Variants in CCDC158 observed in about 807,000 individuals in gnomAD.
CCDC158 encodes the protein coiled-coil domain containing 158.
A neutral mutation model predicts 138.6 loss-of-function variants in CCDC158; 116 were observed. The ratio of observed to expected loss-of-function variants is 0.84; its 90% confidence interval spans 0.72 to 0.98. CCDC158 has a LOEUF of 0.98. Among genes scored for constraint, CCDC158 ranks in the 50% least tolerant of loss-of-function variants. The pLI is 0.00. For missense variants in CCDC158, 1,265 were observed against 1,306.1 expected (o/e 0.97, Z 0.48); for synonymous variants, 436 against 442.4 (o/e 0.99, Z 0.18).
At chr4:76,383,899 T>C (rs1171406524) in intron 6 of CCDC158, among the ~76,000 whole-genome samples, 161 bp from the exon 7 acceptor site, 1 of 152,204 alleles carries the variant, frequency 6.6e-6, no homozygotes, top group African/African-American at 2.4e-5. Flanking sequence ...ACTTTGTCTA[T>C]ACTCTCATGA....
intron 3 of CCDC158, among the ~76,000 whole-genome samples, chr4:76,399,155 T>C (rs1414724970): frequency 6.6e-6 from 1 of 152,160 alleles, no homozygotes; most frequent in Non-Finnish European, 1.5e-5. Flanking sequence ...ATTATAGGTA[T>C]AGAGATAAAG....
chr4:76,343,337 A>C (rs1373254127), intron 18 of CCDC158, among the ~76,000 whole-genome samples: 1 of 152,202 alleles, frequency 6.6e-6, no homozygotes, highest in Non-Finnish European at 1.5e-5. Context: ...AAGCCCTGAC[A>C]ACCTTACATA....
chr4:76,326,910 G>A (rs2110089380), intron 22 of CCDC158, among the ~76,000 whole-genome samples: 1 of 152,162 alleles, frequency 6.6e-6, no homozygotes, highest in Admixed American at 6.5e-5. Flanking sequence ...AATGATACCA[G>A]AAAGTTAAGT....
chr4:76,420,090 A>G (rs1729991328), intron 1 of CCDC158, among the ~76,000 whole-genome samples: 2 of 151,866 alleles, frequency 1.3e-5, no homozygotes, highest in South Asian at 2.1e-4. Flanking sequence ...CAACACAAGT[A>G]AGATAACCGC....
In CCDC158 at chr4:76,362,289, C is replaced by G; in HGVS notation, c.1857G>C (p.Lys619Asn). Residue 619 changes from lysine (K) to asparagine (N), a missense_variant, in exon 13 of 25, where the codon AAG becomes AAC. Physicochemically the swap from Lys to Asn is moderately conservative, Grantham distance 94. Transcript: ENST00000682701. ...TCACTCTGGCCTCAAGCTCCCGGAT[C>G]TTTGCATCTTTTTTATCTTTTAATA... ...LKILKDKKDA[K>N]IRELEARVSD... The G allele has an allele frequency of 6.2e-7, 1 of 1,612,542 alleles. No individual in the cohort carries two copies. The highest frequency in any genetic ancestry group is 1.7e-5 in the Admixed American group (1 of 59,734).
chr4:76,418,990 C>A (rs899866711), intron 1 of CCDC158, among the ~76,000 whole-genome samples: 1 of 152,170 alleles, frequency 6.6e-6, no homozygotes, highest in Non-Finnish European at 1.5e-5. Flanking sequence ...TCTGCATTCC[C>A]TCTTTTCCCC....
chr4:76,404,002 T>C (rs1193779591), intron 2 of CCDC158, among the ~76,000 whole-genome samples: 1 of 151,976 alleles, frequency 6.6e-6, no homozygotes, highest in African/African-American at 2.4e-5. Flanking sequence ...GGTTGGAACT[T>C]GATAGTCCAT....
chr4:76,323,199 A>G, intron 24 of CCDC158, 103 bp downstream of exon 24: 1 of 762,074 alleles, frequency 1.3e-6, no homozygotes, highest in Non-Finnish European at 2.2e-6. Flanking sequence ...ACAGTTGTTA[A>G]TTCAATACCC....
intron 16 of CCDC158, 186 bp downstream of exon 16, chr4:76,352,937 C>G (rs1422350854): frequency 2.0e-6 from 1 of 488,128 alleles, no homozygotes; most frequent in Non-Finnish European, 3.4e-6. Context: ...TGCATTATGA[C>G]CACATTTTAA....
At chr4:76,368,941 C>T (rs768017746) in intron 11 of CCDC158, among the ~76,000 whole-genome samples, 6 of 152,142 alleles carry the variant, frequency 3.9e-5, no homozygotes, top group South Asian at 2.1e-4. Flanking sequence ...ATAGGCCGGG[C>T]GCAGTGGCTC....
intron 2 of CCDC158, among the ~76,000 whole-genome samples, chr4:76,410,223 C>T (rs891515128): frequency 6.6e-6 from 1 of 152,058 alleles, no homozygotes; most frequent in Admixed American, 6.6e-5. Flanking sequence ...CTTGCTCTGT[C>T]GTCCAGGCTG....
At chr4:76,410,464 C>T (rs1327289482) in intron 2 of CCDC158, among the ~76,000 whole-genome samples, 5 of 152,104 alleles carry the variant, frequency 3.3e-5, no homozygotes, top group African/African-American at 4.8e-5. Flanking sequence ...GGATTACAGG[C>T]GTGAACCACC....
chr4:76,379,855 G>T (rs1336030577), intron 8 of CCDC158, among the ~76,000 whole-genome samples: 5 of 151,968 alleles, frequency 3.3e-5, no homozygotes, highest in Non-Finnish European at 7.4e-5. Flanking sequence ...GGACCTGGTG[G>T]GAGGTGATTG....
At chr4:76,400,644 A>G (rs1728287094) in intron 3 of CCDC158, among the ~76,000 whole-genome samples, 1 of 145,976 alleles carries the variant, frequency 6.9e-6, no homozygotes, top group South Asian at 2.3e-4. Context: ...AATAAGTATT[A>G]TGGAAAACTG....
intron 4 of CCDC158, among the ~76,000 whole-genome samples, chr4:76,394,136 C>T (rs1279994704): frequency 1.3e-5 from 2 of 152,038 alleles, no homozygotes; most frequent in African/African-American, 4.8e-5. Context: ...TGGGTATATA[C>T]TCCCCAAAAA....
chr4:76,404,329 T>C (rs568423881), intron 2 of CCDC158, among the ~76,000 whole-genome samples: 1 of 152,296 alleles, frequency 6.6e-6, no homozygotes, highest in South Asian at 2.1e-4. Context: ...TACTGCAAAA[T>C]GTCAGAAAAC....
chr4:76,364,267 G>A (rs1278657537), intron 12 of CCDC158, among the ~76,000 whole-genome samples: 4 of 152,122 alleles, frequency 2.6e-5, no homozygotes, highest in Non-Finnish European at 4.4e-5. Flanking sequence ...TGCAGGTCTG[G>A]ACTGCCATCA....
Position 76,367,484 on chromosome 4 carries a change from T to G in CCDC158, c.1640A>C (p.Gln547Pro). The change falls in exon 12 of 25, where the codon CAG (glutamine) becomes CCG (proline). Residue 547 changes from glutamine to proline, a missense_variant. By Grantham distance (76) the Gln-to-Pro change is moderately conservative. Coordinates refer to ENST00000682701, the MANE Select transcript of CCDC158 (RefSeq NM_001394954.1). ...KNEGDHLRNV[Q>P]TECEALKLQM... Reference sequence around the variant, plus strand: ...CAGTTTGAGGGCCTCACATTCTGTCTGCACATTTCTGAGATGATCCCCTTC... The same window carrying G: ...CAGTTTGAGGGCCTCACATTCTGTCGGCACATTTCTGAGATGATCCCCTTC... The G allele has an allele frequency of 3.1e-6, 5 of 1,614,246 alleles. No homozygotes were observed. The highest frequency in any genetic ancestry group is 4.2e-6 in the Non-Finnish European group (5 of 1,180,050).
Position 76,396,484 on chromosome 4 carries a change from A to T in CCDC158, c.73T>A (p.Ser25Thr). The T allele has an allele frequency of 6.3e-7, 1 of 1,596,852 alleles. No homozygotes were observed. The highest frequency in any genetic ancestry group is 8.5e-7 in the Non-Finnish European group (1 of 1,172,346). ...GATGACACAAAAAATGAACTTGAAG[A>T]ACCTAAATATTAAAGAATTCATTAA... ...SSSGVTSNGGSSSSFFVSSIR... is the reference protein window; with the variant it reads ...SSSGVTSNGGTSSSFFVSSIR... The change falls in exon 4 of 25, where the codon TCT becomes ACT. Residue 25 changes from serine (S) to threonine (T), a missense_variant and splice_region_variant. Physicochemically the swap from Ser to Thr is moderately conservative, Grantham distance 58. Coordinates refer to ENST00000682701, the MANE Select transcript of CCDC158 (RefSeq NM_001394954.1).
Sources: gnomAD v4.1 joint callset for allele counts (sites outside exome capture counted in the v4.1 genomes callset) on GRCh38, gnomAD v4.1.1 for gene constraint, MANE v1.5 for transcripts, NCBI Gene and HGNC (gene_info 2026-07-23, HGNC 2026-07-21) for gene names.